PIAS2: variants seen among roughly 807,000 people sequenced by gnomAD.
The protein encoded by PIAS2 is E3 SUMO-protein ligase PIAS2.
In PIAS2, 19 loss-of-function variants were observed where a neutral mutation model predicts 69.7. The ratio of observed to expected loss-of-function variants is 0.27; its 90% confidence interval spans 0.19 to 0.40. The LOEUF (loss-of-function observed/expected upper bound fraction) is 0.40, where lower values mean the gene tolerates loss of function less well. PIAS2 is among the 10% of genes least tolerant of loss of function. The pLI is 1.00. For missense variants in PIAS2, 624 were observed against 757.0 expected, an observed-to-expected ratio of 0.82 and a Z score of 2.06; for synonymous variants, 261 against 263.2, an observed-to-expected ratio of 0.99 and a Z score of 0.08.
At chr18:46,879,862 C>T (rs1194837211) in intron 2 of PIAS2, among the ~76,000 whole-genome samples, 1 of 151,968 alleles carries the variant, frequency 6.6e-6, no homozygotes, top group Non-Finnish European at 1.5e-5. Flanking sequence ...TATGATTCTA[C>T]TTATATGAGA....
chr18:46,870,615 C>CAAAAAAAAAA (rs58099640), intron 2 of PIAS2, among the ~76,000 whole-genome samples: 2 of 54,904 alleles, frequency 3.6e-5, no homozygotes, highest in African/African-American at 7.9e-5. Flanking sequence ...GACTCCGTCT[C>CAAAAAAAAAA]AAAAAAAAAA....
intron 2 of PIAS2, among the ~76,000 whole-genome samples, chr18:46,886,244 GC>G (rs150872945): frequency 0.077 from 11,686 of 152,204 alleles, 487 homozygotes; most frequent in African/African-American, 0.1. Flanking sequence ...GGCTACCCAA[GC>G]CATATCACTA....
intron 1 of PIAS2, among the ~76,000 whole-genome samples, chr18:46,904,712 C>CTGCCCTCCA (rs1239583756): frequency 6.6e-6 from 1 of 150,926 alleles, no homozygotes; most frequent in East Asian, 1.9e-4. Flanking sequence ...GATCGCGCCA[C>CTGCCCTCCA]TGCCCTCCAG....
chr18:46,818,415 G>A lies in PIAS2; in HGVS notation c.1648+2518C>T, dbSNP rs376468890. The A allele has an allele frequency of 4.4e-6, 7 of 1,584,220 alleles. No homozygotes were observed. The African/African-American group carries it at 8.1e-5, about 18-fold the overall frequency. ...GTATCAGAAGATGTTCCAAGCTTCA[G>A]TTCATTATTAATATCATTTCTTCTT... is the stretch of plus-strand genomic sequence containing the variant. On this transcript the variant is annotated intron_variant, in intron 12 of 13. Coordinates refer to ENST00000585916, the MANE Select transcript of PIAS2 (RefSeq NM_004671.5).
chr18:46,821,161 C>T (rs946427646), intron 11 of PIAS2, 89 bp from the exon 12 acceptor site: 10 of 1,367,202 alleles, frequency 7.3e-6, no homozygotes, highest in East Asian at 6.9e-5. Context: ...CTCAGTCGTT[C>T]GTTCACCAGT....
intron 8 of PIAS2, among the ~76,000 whole-genome samples, chr18:46,838,016 G>C (rs1344977126): frequency 1.3e-5 from 2 of 152,156 alleles, no homozygotes; most frequent in African/African-American, 4.8e-5. Flanking sequence ...GAAGAAGACG[G>C]ACCTATTTTT....
At chr18:46,917,638 C>T (rs1344734163), upstream of PIAS2, 3 of 823,504 alleles carry the variant, frequency 3.6e-6, no homozygotes, top group East Asian at 1.2e-4. Flanking sequence ...GCGCCTGCCC[C>T]GGCGTGCTGC....
chr18:46,847,335 T>C (rs1599679089), intron 5 of PIAS2, among the ~76,000 whole-genome samples: 2 of 152,218 alleles, frequency 1.3e-5, no homozygotes, highest in African/African-American at 4.8e-5. Flanking sequence ...GCCTTTTCTC[T>C]GGGTGGAACA....
At position 46,807,383 on chromosome 18, in the gene PIAS2, A is replaced by ATATTTTTTTTT. The variant is rs869149927; in HGVS notation, c.*5049_*5050insAAAAAAAAATA. The ATATTTTTTTTT allele has an allele frequency of 8.6e-5, 1 of 11,600 alleles. No individual in the cohort carries two copies. The highest frequency in any genetic ancestry group is 1.3e-4 in the Non-Finnish European group (1 of 7,454). The allele number at this position is 11,600 out of a possible 1,614,324, so 0.7% of individuals were successfully genotyped here. A position where few individuals can be genotyped will look rare whatever the true frequency, so the allele number is the denominator to read the frequency against. The stretch of plus-strand genomic sequence containing the variant: ...TATATATATATATATATATATATAT[A>ATATTTTTTTTT]TTTTTTTTTTTTTTTTTTTTTTTTT... On this transcript the variant is annotated 3_prime_UTR_variant, in exon 14 of 14. Coordinates refer to ENST00000585916, the MANE Select transcript of PIAS2 (RefSeq NM_004671.5).
intron 11 of PIAS2, among the ~76,000 whole-genome samples, chr18:46,823,021 T>G (rs2042347067): frequency 6.7e-6 from 1 of 150,292 alleles, no homozygotes; most frequent in East Asian, 2.0e-4. Context: ...GAGGATTGCT[T>G]GAGCTGGAAG....
Position 46,807,670 on chromosome 18 carries a change from T to A in PIAS2, c.*4763A>T, listed in dbSNP as rs945624617. The A allele has an allele frequency of 3.9e-5, 6 of 152,170 alleles. No homozygotes were observed. The highest frequency in any genetic ancestry group is 5.9e-5 in the Non-Finnish European group (4 of 68,098). The allele number at this position is 152,170 out of a possible 1,614,324, so 9.4% of individuals were successfully genotyped here. ...CCTTGGCCTCCCAAAGTGCTGGGAT[T>A]ACAGGCGTGAGCCTCCATACCCGGC... On this transcript the variant is annotated 3_prime_UTR_variant, in exon 14 of 14. Coordinates refer to ENST00000585916, the MANE Select transcript of PIAS2 (RefSeq NM_004671.5).
chr18:46,900,706 T>C (rs1473181082), intron 1 of PIAS2, among the ~76,000 whole-genome samples: 1 of 150,590 alleles, frequency 6.6e-6, no homozygotes, highest in East Asian at 2.0e-4. Context: ...CTGGGCACAG[T>C]GGCTCACACC....
At chr18:46,822,785 G>A (rs2042320444) in intron 11 of PIAS2, among the ~76,000 whole-genome samples, 1 of 152,108 alleles carries the variant, frequency 6.6e-6, no homozygotes, top group African/African-American at 2.4e-5. Context: ...AGAGACTGGG[G>A]TATACGTGAG....
intron 8 of PIAS2, among the ~76,000 whole-genome samples, chr18:46,839,673 C>G (rs2045015010): frequency 6.6e-6 from 1 of 151,722 alleles, no homozygotes; most frequent in South Asian, 2.1e-4. Context: ...GACACCAGCC[C>G]AGCCAACATG....
intron 5 of PIAS2, among the ~76,000 whole-genome samples, chr18:46,849,486 C>G (rs2046645425): frequency 6.6e-6 from 1 of 152,040 alleles, no homozygotes; most frequent in Non-Finnish European, 1.5e-5. Flanking sequence ...GACAGGGAAC[C>G]AGTGGGGCAA....
rs1179955583 is a variant in PIAS2, at chr18:46,804,095, C to T, written c.*8338G>A. On this transcript the variant is annotated 3_prime_UTR_variant, in exon 14 of 14. Transcript: ENST00000585916. The stretch of plus-strand genomic sequence containing the variant: ...ATTTCCAGTCAGCATAAGTCAAATG[C>T]AAATGGTTATCCACCATTTCTTCAT... 3.9e-5 allele frequency: 6 copies of T among 152,182 alleles called. No individual in the cohort carries two copies. The highest frequency in any genetic ancestry group is 7.3e-5 in the Non-Finnish European group (5 of 68,038). The allele number at this position is 152,182 out of a possible 1,614,324, so 9.4% of individuals were successfully genotyped here. A position where few individuals can be genotyped will look rare whatever the true frequency, so the allele number is the denominator to read the frequency against.
rs763791032 is a variant in PIAS2, at chr18:46,890,889, G to C, written c.190C>G (p.Arg64Gly). ...QIKIRELYRR[R>G]YPRTLEGLSD... ...AGTCCTTCAAGAGTTCGTGGATATC[G>C]GCGTCTATACAATTCTCGGATTTTA... is the stretch of plus-strand genomic sequence containing the variant. The change falls in exon 2 of 14, where the codon CGA (arginine) becomes GGA (glycine). Residue 64 changes from arginine (R) to glycine (G), a missense_variant. Physicochemically the swap from Arg to Gly is moderately radical, Grantham distance 125 (BLOSUM62 -2). Around this residue, in one of 3 missense-constraint regions of PIAS2, gnomAD observed 339 missense variants for 408.8 expected, o/e 0.83. Transcript: ENST00000585916. The C allele has an allele frequency of 6.2e-7, 1 of 1,614,120 alleles. No homozygotes were observed. Among genetic ancestry groups the C allele is most frequent in the Non-Finnish European group, 8.5e-7 (1 of 1,180,020 alleles).
intron 1 of PIAS2, chr18:46,891,297 TA>T: frequency 1.7e-6 from 1 of 599,268 alleles, no homozygotes; most frequent in East Asian, 3.2e-5. Flanking sequence ...ATCTATAGTC[TA>T]TTGGTTTCTA....
In PIAS2 at chr18:46,898,136, T is replaced by G. The variant is rs1025708683; in HGVS notation, c.25-7082A>C. Among the ~76,000 whole-genome samples, 6 of 152,216 alleles carry G rather than the reference T, an allele frequency of 3.9e-5. No individual in the cohort carries two copies. In the East Asian group the frequency reaches 9.6e-4, roughly 24 times the overall value. ...TCCCAAAGTGCTGGAATTACAGGTG[T>G]GAGCTACTACACCAAGGCAATATAA... On this transcript the variant is annotated intron_variant, in intron 1 of 13. Transcript: ENST00000585916.
Sources: allele counts gnomAD v4.1 joint callset (sites outside exome capture counted in the v4.1 genomes callset), GRCh38; gene constraint gnomAD v4.1.1; regional missense constraint gnomAD v4.1.1; transcripts MANE v1.5; gene names NCBI Gene and HGNC (gene_info 2026-07-23, HGNC 2026-07-21).